Variants in PUS7 observed in about 807,000 individuals in gnomAD.
PUS7 encodes the protein pseudouridylate synthase 7 homolog.
In PUS7, 48 loss-of-function variants were observed where a neutral mutation model predicts 79.8. The ratio of observed to expected loss-of-function variants is 0.60; its 90% CI spans 0.48 to 0.76. The LOEUF is 0.76. PUS7 is among the 30% of genes least tolerant of loss of function. The pLI is 0.00. For missense variants in PUS7, 729 were observed against 797.6 expected (o/e 0.91, Z 1.04); for synonymous variants, 286 against 272.2 (o/e 1.05, Z -0.50).
intron 1 of PUS7, among the ~76,000 whole-genome samples, chr7:105,509,949 C>T (rs145872222): frequency 6.6e-6 from 1 of 152,234 alleles, no homozygotes; most frequent in Non-Finnish European, 1.5e-5. Context: ...CACTCAATAA[C>T]ATGGTTGTAA....
chr7:105,480,438 G>A (rs745758010), intron 9 of PUS7, among the ~76,000 whole-genome samples: 17 of 151,980 alleles, frequency 1.1e-4, no homozygotes, highest in Non-Finnish European at 2.1e-4. Flanking sequence ...TTGCACCACT[G>A]TACTTCAGCC....
rs766160107 is a variant in PUS7, at chr7:105,508,133, G to A, written c.380C>T (p.Ser127Leu). Residue 127 changes from serine to leucine, a missense_variant, in exon 2 of 16, where the codon TCG becomes TTG. Physicochemically the swap from Ser to Leu is moderately radical, Grantham distance 145. Coordinates refer to ENST00000469408, the MANE Select transcript of PUS7 (RefSeq NM_019042.5). ...AATGTACCTTTCTTTTAAGATTCCC[G>A]AGAACCCTTGATGAGAACTCACAAA... is the stretch of plus-strand genomic sequence containing the variant. ...TKFVSSHQGFSGILKERYSDF... is the reference protein window; with the variant it reads ...TKFVSSHQGFLGILKERYSDF... The A allele has an allele frequency of 5.6e-6, 9 of 1,611,946 alleles. No individual in the cohort carries two copies. Among genetic ancestry groups the A allele is most frequent in the African/African-American group, 4.0e-5 (3 of 74,784 alleles).
intron 6 of PUS7, among the ~76,000 whole-genome samples, chr7:105,494,629 C>T (rs1040937909): frequency 3.3e-5 from 5 of 151,992 alleles, no homozygotes; most frequent in South Asian, 2.1e-4. Context: ...AAGATGGTCT[C>T]GATCTCTTGA....
At chr7:105,504,070 C>G (rs1476979491) in intron 4 of PUS7, among the ~76,000 whole-genome samples, 1 of 137,016 alleles carries the variant, frequency 7.3e-6, no homozygotes, top group Non-Finnish European at 1.6e-5. Flanking sequence ...CTTGATGACA[C>G]TTTTTTTTTT....
intron 1 of PUS7, among the ~76,000 whole-genome samples, chr7:105,509,986 G>A (rs1478139363): frequency 6.6e-6 from 1 of 152,086 alleles, no homozygotes; most frequent in Non-Finnish European, 1.5e-5. Flanking sequence ...TGATGTATAT[G>A]TATTATCCTT....
In PUS7 at chr7:105,457,856, T is replaced by C. The variant is rs1823250515; in HGVS notation, c.1920A>G (p.Arg640=). 6.2e-7 allele frequency: 1 copy of C among 1,614,080 alleles called. No homozygotes were observed. Among genetic ancestry groups the C allele is most frequent in the African/African-American group, 1.3e-5 (1 of 75,034 alleles). Residue 640 remains arginine, a synonymous_variant, in exon 16 of 16, where the codon CGA becomes CGG. Transcript: ENST00000469408. Reference sequence around the variant, plus strand: ...TACTGGTATCCATTTTTAGCACTTCTCGAATGGCCATGGTGGCGTAAGTAG... The same window carrying C: ...TACTGGTATCCATTTTTAGCACTTCCCGAATGGCCATGGTGGCGTAAGTAG... ...PPSTYATMAI[R]EVLKMDTSIK... is the part of the protein sequence containing the mutation.
chr7:105,483,902 A>G (rs1326378971), intron 7 of PUS7, among the ~76,000 whole-genome samples: 1 of 152,148 alleles, frequency 6.6e-6, no homozygotes, highest in Non-Finnish European at 1.5e-5. Flanking sequence ...GTTTTTCATG[A>G]TATCTGGCCC....
chr7:105,521,338 G>A (rs1384195230), intron 1 of PUS7, among the ~76,000 whole-genome samples: 1 of 152,160 alleles, frequency 6.6e-6, no homozygotes, highest in Non-Finnish European at 1.5e-5. Context: ...AACCCTACTC[G>A]GCAGGCAACG....
chr7:105,508,322 G>T lies in PUS7; in HGVS notation c.191C>A (p.Thr64Asn). 6.2e-7 allele frequency: 1 copy of T among 1,614,110 alleles called. No individual in the cohort carries two copies. The highest frequency in any genetic ancestry group is 8.5e-7 in the Non-Finnish European group (1 of 1,180,036). Residue 64 changes from threonine to asparagine, a missense_variant, in exon 2 of 16, where the codon ACT (threonine) becomes AAT (asparagine). By Grantham distance (65) the Thr-to-Asn change is moderately conservative (BLOSUM62 0). Transcript: ENST00000469408. ...ISEDVPRPPD[T>N]VSTGKGGKNS... is the part of the protein sequence containing the mutation. ...CTTTCCACCTTTCCCAGTACTGACA[G>T]TGTCAGGAGGCCGAGGCACGTCTTC...
At chr7:105,470,883 C>T in intron 10 of PUS7, 35 bp from the exon 11 acceptor site, 1 of 1,518,732 alleles carries the variant, frequency 6.6e-7, no homozygotes, top group Non-Finnish European at 8.9e-7. Context: ...AAATGACTTA[C>T]CCAATAGACA....
At chr7:105,502,026 T>C (rs1319470302) in intron 5 of PUS7, among the ~76,000 whole-genome samples, 2 of 150,212 alleles carry the variant, frequency 1.3e-5, no homozygotes, top group African/African-American at 4.9e-5. Flanking sequence ...CTGGGATAGG[T>C]GACAAGCGTT....
chr7:105,497,314 C>T (rs1825078265), intron 5 of PUS7, among the ~76,000 whole-genome samples: 1 of 152,170 alleles, frequency 6.6e-6, no homozygotes, highest in Non-Finnish European at 1.5e-5. Context: ...AAAAAGAGAT[C>T]TGTTTACTTA....
Position 105,470,707 on chromosome 7 carries a change from A to G in PUS7, c.1379T>C (p.Ile460Thr), listed in dbSNP as rs1215442694. 2.5e-6 allele frequency: 4 copies of G among 1,606,888 alleles called. No individual in the cohort carries two copies. The highest frequency in any genetic ancestry group is 3.4e-6 in the Non-Finnish European group (4 of 1,174,726). Reference sequence around the variant, plus strand: ...ACTCACTATGCCAAATGCAGAGACTATATTCTTCATTCCATATTTTGAAAG... The same window carrying G: ...ACTCACTATGCCAAATGCAGAGACTGTATTCTTCATTCCATATTTTGAAAG... ...RGLSKYGMKN[I>T]VSAFGIIPRN... The change falls in exon 11 of 16, where the codon ATA (isoleucine) becomes ACA (threonine). Residue 460 changes from isoleucine to threonine, a missense_variant. Transcript: ENST00000469408.
At chr7:105,501,856 G>A (rs569321156) in intron 5 of PUS7, among the ~76,000 whole-genome samples, 3 of 151,862 alleles carry the variant, frequency 2.0e-5, no homozygotes, top group African/African-American at 7.2e-5. Context: ...TCAGGAGGCT[G>A]AGGCAGAAGA....
chr7:105,518,737 G>A (rs1825991433), intron 1 of PUS7, among the ~76,000 whole-genome samples: 1 of 151,842 alleles, frequency 6.6e-6, no homozygotes, highest in East Asian at 1.9e-4. Context: ...CAGAAAAACA[G>A]CCATTAGTCT....
At chr7:105,500,703 G>A (rs892276121) in intron 5 of PUS7, among the ~76,000 whole-genome samples, 1 of 152,160 alleles carries the variant, frequency 6.6e-6, no homozygotes, top group East Asian at 1.9e-4. Flanking sequence ...AGGCATGGCT[G>A]TTTGTAGAAG....
intron 15 of PUS7, among the ~76,000 whole-genome samples, chr7:105,458,178 T>A (rs563934859): frequency 1.3e-5 from 2 of 152,094 alleles, no homozygotes; most frequent in African/African-American, 4.8e-5. Context: ...GAGAAACGCA[T>A]GTAAAGTTAA....
At chr7:105,478,890 T>G (rs1200001733) in intron 9 of PUS7, among the ~76,000 whole-genome samples, 2 of 152,238 alleles carry the variant, frequency 1.3e-5, no homozygotes, top group Admixed American at 6.5e-5. Flanking sequence ...TGGGATAAAT[T>G]TGACCTCATT....
intron 5 of PUS7, among the ~76,000 whole-genome samples, chr7:105,496,671 A>C (rs1825048979): frequency 6.6e-6 from 1 of 152,204 alleles, no homozygotes; most frequent in Admixed American, 6.5e-5. Flanking sequence ...AGACTCCATA[A>C]ACCATTTCAG....
Sources: allele counts gnomAD v4.1 joint callset (sites outside exome capture counted in the v4.1 genomes callset), GRCh38; gene constraint gnomAD v4.1.1; transcripts MANE v1.5; gene names NCBI Gene and HGNC (gene_info 2026-07-23, HGNC 2026-07-21).